MAGI1: variants seen among roughly 807,000 people sequenced by gnomAD.
MAGI1 encodes membrane-associated guanylate kinase, WW and PDZ domain-containing protein 1.
MAGI1 carries 58 observed loss-of-function variants against 139.9 expected under a neutral mutation model. The observed-to-expected ratio is 0.41, with a 90% CI of 0.34 to 0.52. The LOEUF is 0.52. Among genes scored for constraint, MAGI1 ranks in the 20% least tolerant of loss-of-function variants. MAGI1 has a pLI of 0.12. For synonymous variants in MAGI1, 812 were observed against 737.9 expected, an observed-to-expected ratio of 1.10 and a Z score of -1.63; for missense variants, 1,874 against 1,901.6, an observed-to-expected ratio of 0.99 and a Z score of 0.27.
chr3:65,599,313 G>A (rs1035439753), intron 2 of MAGI1, among the ~76,000 whole-genome samples: 6 of 152,168 alleles, frequency 3.9e-5, no homozygotes, highest in Non-Finnish European at 7.3e-5. Flanking sequence ...TCTTTCCTTC[G>A]AATGCAGTAT....
intron 22 of MAGI1, among the ~76,000 whole-genome samples, chr3:65,357,730 G>A (rs1425185705): frequency 7.9e-5 from 12 of 152,012 alleles, no homozygotes; most frequent in African/African-American, 2.9e-4. Context: ...CAGGATTTAT[G>A]CATTTTACCA....
intron 2 of MAGI1, among the ~76,000 whole-genome samples, chr3:65,542,661 C>A (rs1442502335): frequency 6.6e-6 from 1 of 152,096 alleles, no homozygotes; most frequent in Non-Finnish European, 1.5e-5. Flanking sequence ...GAAAGGACTC[C>A]CTATTTAATA....
chr3:65,439,872 G>C lies in MAGI1; in HGVS notation c.1270+7C>G. ...ATCAAGAAAAAGCCTAGAGGAAAGAGGCCAACCTTCTGTCTGCTGCTGCTG... is the reference window on the plus strand; with the variant it reads ...ATCAAGAAAAAGCCTAGAGGAAAGACGCCAACCTTCTGTCTGCTGCTGCTG... On this transcript the variant is annotated splice_region_variant and intron_variant, in intron 9 of 22. Transcript: ENST00000402939. 1.2e-6 allele frequency: 2 copies of C among 1,610,048 alleles called. No individual in the cohort carries two copies. The highest frequency in any genetic ancestry group is 1.7e-6 in the Non-Finnish European group (2 of 1,179,868).
intron 1 of MAGI1, among the ~76,000 whole-genome samples, chr3:65,741,425 C>T (rs543095218): frequency 1.3e-5 from 2 of 152,306 alleles, no homozygotes; most frequent in African/African-American, 2.4e-5. Flanking sequence ...CCGCCCGCCT[C>T]GGCCTCCCAA....
At chr3:65,566,141 C>A (rs1296936731) in intron 2 of MAGI1, among the ~76,000 whole-genome samples, 1 of 151,820 alleles carries the variant, frequency 6.6e-6, no homozygotes, top group Non-Finnish European at 1.5e-5. Flanking sequence ...GTAGTCCCAG[C>A]TACTCGGGAG....
chr3:65,489,491 CA>C (rs1219080806), intron 3 of MAGI1, among the ~76,000 whole-genome samples: 4 of 151,990 alleles, frequency 2.6e-5, no homozygotes, highest in Non-Finnish European at 5.9e-5. Flanking sequence ...ACACGACCAC[CA>C]AAAACAGAAG....
intron 12 of MAGI1, among the ~76,000 whole-genome samples, chr3:65,426,083 A>G (rs771692642): frequency 6.6e-6 from 1 of 152,126 alleles, no homozygotes; most frequent in Non-Finnish European, 1.5e-5. Flanking sequence ...CACAATTGGA[A>G]GAGGGGAGCC....
At chr3:65,591,501 C>CA (rs1429965250) in intron 2 of MAGI1, among the ~76,000 whole-genome samples, 2 of 152,170 alleles carry the variant, frequency 1.3e-5, no homozygotes, top group Non-Finnish European at 2.9e-5. Flanking sequence ...AACTTCCTGT[C>CA]AGTGCTCTCT....
At chr3:66,036,707 C>A (rs2068940590) in intron 1 of MAGI1, among the ~76,000 whole-genome samples, 1 of 152,228 alleles carries the variant, frequency 6.6e-6, no homozygotes, top group Admixed American at 6.5e-5. Flanking sequence ...CTAGGCCCAG[C>A]CCTTCCTTTG....
intron 1 of MAGI1, among the ~76,000 whole-genome samples, chr3:65,870,148 C>G (rs1435131040): frequency 6.6e-6 from 1 of 152,000 alleles, no homozygotes; most frequent in Non-Finnish European, 1.5e-5. Context: ...ATAATGTTGA[C>G]AAATGTGCGT....
chr3:65,599,651 C>T (rs968818544), intron 2 of MAGI1, among the ~76,000 whole-genome samples: 1 of 152,228 alleles, frequency 6.6e-6, no homozygotes, highest in Admixed American at 6.5e-5. Flanking sequence ...CCATACATAA[C>T]AGGTGCTCAC....
intron 2 of MAGI1, among the ~76,000 whole-genome samples, chr3:65,509,574 C>G (rs1474363447): frequency 2.0e-5 from 3 of 152,200 alleles, no homozygotes; most frequent in African/African-American, 7.2e-5. Flanking sequence ...GTCACTCCCA[C>G]CCGAATATTT....
In MAGI1 at chr3:65,478,993, G is replaced by A. The variant is rs189817375; in HGVS notation, c.551-195C>T. ...AGCTAGACACAGTAATTTCAGATGG[G>A]AAGAGGAAAGCTGTATTGTTTTAGT... On this transcript the variant is annotated intron_variant, in intron 3 of 22. Coordinates refer to ENST00000402939, the MANE Select transcript of MAGI1 (RefSeq NM_001033057.2). Among the ~76,000 whole-genome samples the A allele has an allele frequency of 2.6e-5, 4 of 152,214 alleles. No homozygotes were observed. The East Asian group carries it at 5.8e-4, about 22-fold the overall frequency.
chr3:65,382,211 A>G, intron 15 of MAGI1, 142 bp from the exon 16 acceptor site: 1 of 646,072 alleles, frequency 1.5e-6, no homozygotes, highest in South Asian at 2.1e-5. Flanking sequence ...CACTGTGTAC[A>G]AGACATTGTG....
chr3:65,365,104 T>C (rs191337777), intron 18 of MAGI1, 158 bp from the exon 19 acceptor site: 2 of 773,956 alleles, frequency 2.6e-6, no homozygotes, highest in African/African-American at 1.7e-5. Context: ...AGGAGTTTAA[T>C]AAACCATTTT....
chr3:66,007,316 A>G (rs1038153108), intron 1 of MAGI1, among the ~76,000 whole-genome samples: 4 of 152,210 alleles, frequency 2.6e-5, no homozygotes, highest in Non-Finnish European at 4.4e-5. Flanking sequence ...TATCTTCCCA[A>G]TGACACACTG....
chr3:65,470,482 C>G lies in MAGI1; in HGVS notation c.760G>C (p.Asp254His), dbSNP rs149211419. 6.2e-6 allele frequency: 10 copies of G among 1,602,850 alleles called. No homozygotes were observed. The highest frequency in any genetic ancestry group is 1.4e-5 in the African/African-American group (1 of 73,342). Residue 254 changes from aspartate to histidine, a missense_variant and splice_region_variant, in exon 5 of 23, where the codon GAT becomes CAT. Around this residue, in one of 5 missense-constraint regions of MAGI1, gnomAD observed 648 missense variants for 598.1 expected, o/e 1.08. Transcript: ENST00000402939. ...VPEMNSSFTA[D>H]SGEQEEHTLQ... ...GTGTGCTCCTCTTGTTCACCAGAAT[C>G]GGCTGCTTAATCATGTGAAGAGGTG...
At chr3:65,379,857 C>T (rs1942894639) in intron 16 of MAGI1, among the ~76,000 whole-genome samples, 1 of 152,208 alleles carries the variant, frequency 6.6e-6, no homozygotes, top group South Asian at 2.1e-4. Context: ...GCAGCAAGAT[C>T]GGCCTGCTGT....
intron 1 of MAGI1, among the ~76,000 whole-genome samples, chr3:65,768,923 G>A (rs1274492210): frequency 1.3e-5 from 2 of 152,134 alleles, no homozygotes; most frequent in African/African-American, 4.8e-5. Flanking sequence ...AAATTTTCCA[G>A]TGTCATTTTA....
Sources: gnomAD v4.1 joint callset for allele counts (sites outside exome capture counted in the v4.1 genomes callset) on GRCh38, gnomAD v4.1.1 for gene constraint, gnomAD v4.1.1 regional missense constraint, MANE v1.5 for transcripts, NCBI Gene and HGNC (gene_info 2026-07-23, HGNC 2026-07-21) for gene names.